The following SLC13A5 variants were observed in gnomAD, a reference collection of about 807,000 sequenced individuals.
The protein encoded by SLC13A5 is Na(+)/citrate cotransporter.
Under a neutral mutation model 56.5 loss-of-function variants are expected in SLC13A5, and 25 were observed. That is an observed-to-expected ratio of 0.44 (90% confidence interval 0.32 to 0.62). The LOEUF (loss-of-function observed/expected upper bound fraction) is 0.62. Among genes scored for constraint, SLC13A5 ranks in the 20% least tolerant of loss-of-function variants. The probability of loss-of-function intolerance (pLI) is 0.04; values close to 1 mark genes in which losing one functional copy is unlikely to be tolerated. For missense variants in SLC13A5, 649 were observed against 737.8 expected, an observed-to-expected ratio of 0.88 and a Z score of 1.39; for synonymous variants, 307 against 301.5, an observed-to-expected ratio of 1.02 and a Z score of -0.19.
rs533804342 is a variant in SLC13A5 at position 6,698,267 on chromosome 17, C to T, written c.840-2326G>A. On this transcript the variant is annotated intron_variant, in intron 6 of 11. Transcript: ENST00000433363. ...CCACCACGAGCATGCTCAGAAGCCC[C>T]CTGCTGCAGACACTCTCAGGCTCCC... Among the ~76,000 whole-genome samples the T allele has an allele frequency of 2.0e-5, 3 of 152,324 alleles. No homozygotes were observed. The South Asian group carries it at 6.2e-4, about 32-fold the overall frequency.
At chr17:6,694,819 T>G (rs1973515207) in intron 7 of SLC13A5, among the ~76,000 whole-genome samples, 1 of 152,188 alleles carries the variant, frequency 6.6e-6, no homozygotes, top group African/African-American at 2.4e-5. Flanking sequence ...ATGAAGACTT[T>G]GGTGCTGACC....
In SLC13A5 at chr17:6,711,391, A is replaced by C. The variant is rs1296136889; in HGVS notation, c.102+1841T>G. Among the ~76,000 whole-genome samples the C allele has an allele frequency of 6.6e-6, 1 of 151,520 alleles. No individual in the cohort carries two copies. The highest frequency in any genetic ancestry group is 1.5e-5 in the Non-Finnish European group (1 of 67,904). ...TCTCTTCTTCCCCTCCCTGGTCCTC[A>C]CTCAAAGGACAGCTTAATCTCTCTC... is the stretch of plus-strand genomic sequence containing the variant. On this transcript the variant is annotated intron_variant, in intron 1 of 11. Transcript: ENST00000433363. The surrounding 1 kb of genome is among the most constrained non-coding windows in gnomAD (Gnocchi z 4.0).
chr17:6,698,425 C>T (rs555981279), intron 6 of SLC13A5, among the ~76,000 whole-genome samples: 7 of 152,348 alleles, frequency 4.6e-5, no homozygotes, highest in South Asian at 2.1e-4. Flanking sequence ...CTTGCGGCCT[C>T]GGCGCCATGC....
At chr17:6,702,794 G>A (rs1442813325) in intron 5 of SLC13A5, among the ~76,000 whole-genome samples, 176 bp downstream of exon 5, 1 of 121,586 alleles carries the variant, frequency 8.2e-6, no homozygotes, top group Non-Finnish European at 1.8e-5. Context: ...GCACAGGGGT[G>A]CCAGGACACA....
chr17:6,705,183 C>T (rs183379), intron 3 of SLC13A5: 89,048 of 151,932 alleles, frequency 0.59, 28,299 homozygotes, highest in African/African-American at 0.83. Context: ...AAACAAAGCC[C>T]GGGACCCAGG....
chr17:6,697,250 G>A (rs1311868545), intron 6 of SLC13A5, among the ~76,000 whole-genome samples: 1 of 152,162 alleles, frequency 6.6e-6, no homozygotes, highest in African/African-American at 2.4e-5. Context: ...CTGGGGCTCA[G>A]CCAGGGGCTT....
At chr17:6,696,693 T>C (rs1231542987) in intron 6 of SLC13A5, among the ~76,000 whole-genome samples, 2 of 152,108 alleles carry the variant, frequency 1.3e-5, no homozygotes, top group East Asian at 3.9e-4. Context: ...CCACTGTGCA[T>C]AGGACTAAGG....
At chr17:6,690,086 A>C (rs1026665715) in intron 10 of SLC13A5, 1 of 138,422 alleles carries the variant, frequency 7.2e-6, no homozygotes, top group Non-Finnish European at 1.5e-5. Context: ...AAAAAAAAAA[A>C]AAAAAAAAAC....
At chr17:6,707,740 G>C (rs1209072931) in intron 1 of SLC13A5, among the ~76,000 whole-genome samples, 1 of 152,032 alleles carries the variant, frequency 6.6e-6, no homozygotes, top group Admixed American at 6.6e-5. Context: ...TTATAAGTGG[G>C]AGCTAAGCTA....
chr17:6,685,816 T>C lies in SLC13A5; in HGVS notation c.*391A>G. 1 of 187,022 alleles carries C rather than the reference T, an allele frequency of 5.3e-6. No homozygotes were observed. The highest frequency in any genetic ancestry group is 1.1e-5 in the Non-Finnish European group (1 of 87,984). The allele number at this position is 187,022 out of a possible 1,614,324, so 11.6% of individuals were successfully genotyped here. On this transcript the variant is annotated 3_prime_UTR_variant, in exon 12 of 12. Coordinates refer to ENST00000433363, the MANE Select transcript of SLC13A5 (RefSeq NM_177550.5). The surrounding 1 kb of genome is among the most constrained non-coding windows in gnomAD (Gnocchi z 4.2). ...GTTGTCTTAGCTCTCAACCAGGGGA[T>C]CCGATTCCCATTTAAACTATCTAGG...
At chr17:6,689,710 A>G (rs370608591) in intron 10 of SLC13A5, 2 of 152,070 alleles carry the variant, frequency 1.3e-5, no homozygotes, top group Non-Finnish European at 2.9e-5. Flanking sequence ...TAACACTTTC[A>G]TCTTCACTTG....
At position 6,700,776 on chromosome 17, in the gene SLC13A5, G is replaced by A. The variant is rs891258998; in HGVS notation, c.839+228C>T. ...AACTAGCCTTGAAGGCTGAGGAGGT[G>A]GGAAGGTAGAGAATGGCATTCCAGG... On this transcript the variant is annotated intron_variant, in intron 6 of 11. Transcript: ENST00000433363. Among the ~76,000 whole-genome samples, 29 of 152,170 alleles carry A rather than the reference G, an allele frequency of 1.9e-4. 1 individual carries two copies. Among genetic ancestry groups the A allele is most frequent in the African/African-American group, 6.8e-4 (28 of 41,432 alleles).
chr17:6,706,830 A>G (rs1332461211), intron 2 of SLC13A5, 52 bp from the exon 3 acceptor site: 1 of 1,603,792 alleles, frequency 6.2e-7, no homozygotes, highest in Non-Finnish European at 8.5e-7. Context: ...CACACACTAG[A>G]GCCACCCAGT....
chr17:6,699,089 A>AAATAAATT (rs201575422), intron 6 of SLC13A5, among the ~76,000 whole-genome samples: 1 of 84,302 alleles, frequency 1.2e-5, no homozygotes, highest in South Asian at 4.0e-4. Context: ...ATAAATAAAT[A>AAATAAATT]AAATAAAATA....
chr17:6,695,662 A>G, intron 7 of SLC13A5, 64 bp downstream of exon 7: 1 of 1,556,786 alleles, frequency 6.4e-7, no homozygotes, highest in African/African-American at 1.4e-5. Context: ...AAGTGCTGGG[A>G]TTACATGTGT....
chr17:6,686,459 G>C, intron 11 of SLC13A5, 121 bp from the exon 12 acceptor site: 1 of 1,314,884 alleles, frequency 7.6e-7, no homozygotes, highest in South Asian at 1.3e-5. Context: ...TCCCTGGCTG[G>C]GGTGTCCCGA....
At position 6,703,971 on chromosome 17, in the gene SLC13A5, C is replaced by T. The variant is rs575033281; in HGVS notation, c.454G>A (p.Val152Met). The T allele has an allele frequency of 8.7e-6, 14 of 1,612,748 alleles. No homozygotes were observed. In the South Asian group the frequency reaches 1.2e-4, roughly 14 times the overall value. Residue 152 changes from valine (V) to methionine (M), a missense_variant, in exon 4 of 12, where the codon GTG becomes ATG. By Grantham distance (21) the Val-to-Met change is conservative. Transcript: ENST00000433363. ...TATTAMMVPI[V>M]EAILQQMEAT... ...TCCATCTGCTGCAATATGGCCTCCA[C>T]GATGGGCACCATCATGGCCGTGGTT...
In SLC13A5 at chr17:6,692,910, T is replaced by C. The variant is rs975190835; in HGVS notation, c.1275+134A>G. ...TTCCTAGATGACAAGACAGAGTCCATGTCCTCAAGGAATGTGCGGTTATAC... is the reference window on the plus strand; with the variant it reads ...TTCCTAGATGACAAGACAGAGTCCACGTCCTCAAGGAATGTGCGGTTATAC... On this transcript the variant is annotated intron_variant, in intron 9 of 11. Coordinates refer to ENST00000433363, the MANE Select transcript of SLC13A5 (RefSeq NM_177550.5). This position sits in a 1 kb window ranked among gnomAD's most constrained non-coding sequence, Gnocchi z 5.5. 2 of 711,258 alleles carry C rather than the reference T, an allele frequency of 2.8e-6. No individual in the cohort carries two copies. The highest frequency in any genetic ancestry group is 2.5e-6 in the Non-Finnish European group (1 of 393,932). 44.1% of individuals were successfully genotyped at this position (711,258 alleles called of 1,614,324 possible).
chr17:6,686,014 C>T lies in SLC13A5; in HGVS notation c.*193G>A. On this transcript the variant is annotated 3_prime_UTR_variant, in exon 12 of 12. Transcript: ENST00000433363. The stretch of plus-strand genomic sequence containing the variant: ...GGGGTTCCCTTCATTTCTGAGCCTA[C>T]CCTCCAGCTGCCCATGACCATCTCT... The T allele has an allele frequency of 1.3e-6, 1 of 753,840 alleles. No homozygotes were observed. The highest frequency in any genetic ancestry group is 2.4e-5 in the Admixed American group (1 of 41,442). The allele number at this position is 753,840 out of a possible 1,614,324, so 46.7% of individuals were successfully genotyped here.
Sources: allele counts gnomAD v4.1 joint callset (sites outside exome capture counted in the v4.1 genomes callset), GRCh38; gene constraint gnomAD v4.1.1; non-coding constraint Gnocchi (gnomAD v3.1); transcripts MANE v1.5; gene names NCBI Gene and HGNC (gene_info 2026-07-23, HGNC 2026-07-21).